MALT1: variants seen among roughly 807,000 people sequenced by gnomAD.
MALT1 encodes the protein MALT1 paracaspase.
Under a neutral mutation model 85.5 loss-of-function variants are expected in MALT1, and 36 were observed. The ratio of observed to expected loss-of-function variants is 0.42; its 90% CI spans 0.32 to 0.56. MALT1 has a LOEUF of 0.56. MALT1 is among the 20% of genes least tolerant of loss of function. The pLI, the probability that MALT1 is intolerant of heterozygous loss-of-function variation, is 0.10. For synonymous variants in MALT1, 359 were observed against 361.3 expected (o/e 0.99, Z 0.07); for missense variants, 716 against 981.6 (o/e 0.73, Z 3.62).
intron 14 of MALT1, 58 bp downstream of exon 14, chr18:58,742,072 G>C (rs2055309607): frequency 2.3e-6 from 3 of 1,328,936 alleles, no homozygotes; most frequent in Non-Finnish European, 3.0e-6. Flanking sequence ...AAATCATAAA[G>C]TTTCTTCTGA....
At chr18:58,740,882 T>C (rs1356233925) in intron 13 of MALT1, among the ~76,000 whole-genome samples, 1 of 152,190 alleles carries the variant, frequency 6.6e-6, no homozygotes, top group Non-Finnish European at 1.5e-5. Context: ...AATTTTCTTG[T>C]AGTTCTAGCA....
chr18:58,704,439 A>AT (rs560174595), intron 4 of MALT1, among the ~76,000 whole-genome samples: 87 of 152,220 alleles, frequency 5.7e-4, no homozygotes, highest in African/African-American at 2.0e-3. Flanking sequence ...TGTGATACTA[A>AT]TATAGCCATG....
chr18:58,708,685 T>C (rs1192948392), intron 4 of MALT1, among the ~76,000 whole-genome samples: 1 of 152,198 alleles, frequency 6.6e-6, no homozygotes, highest in East Asian at 1.9e-4. Flanking sequence ...AAGAGAGCAA[T>C]GCATATCTTT....
At chr18:58,691,872 C>CAAAAA (rs34428404) in intron 2 of MALT1, among the ~76,000 whole-genome samples, 1 of 134,770 alleles carries the variant, frequency 7.4e-6, no homozygotes, top group African/African-American at 2.8e-5. Flanking sequence ...GACTCCGTCT[C>CAAAAA]AAAAAAAAAA....
In MALT1 at chr18:58,688,536, C is replaced by CAAAAAA. The variant is rs552838701; in HGVS notation, c.376+7222_376+7227dup. Among the ~76,000 whole-genome samples the CAAAAAA allele has an allele frequency of 2.9e-4, 18 of 61,402 alleles. No homozygotes were observed. The East Asian group carries it at 4.1e-3, about 14-fold the overall frequency. 40.3% of individuals were successfully genotyped at this position (61,402 alleles called of 152,430 possible). ...GCAACATAATGAGGCCCTGTTTCTA[C>CAAAAAA]AAAAAAAAAAAAAAAAAAAAAAAAA... is the stretch of plus-strand genomic sequence containing the variant. On this transcript the variant is annotated intron_variant, in intron 2 of 16. Coordinates refer to ENST00000649217, the MANE Select transcript of MALT1 (RefSeq NM_006785.4).
chr18:58,687,038 A>G (rs990865486), intron 2 of MALT1, among the ~76,000 whole-genome samples: 1 of 152,216 alleles, frequency 6.6e-6, no homozygotes, highest in African/African-American at 2.4e-5. Flanking sequence ...TAAGAAACTT[A>G]GTTCTGTATT....
At chr18:58,742,841 T>A (rs1005967099) in intron 14 of MALT1, among the ~76,000 whole-genome samples, 4 of 152,236 alleles carry the variant, frequency 2.6e-5, no homozygotes, top group African/African-American at 7.2e-5. Flanking sequence ...CATCCTCTCT[T>A]GGACACTTGA....
At chr18:58,709,673 T>G in intron 5 of MALT1, 117 bp downstream of exon 5, 2 of 898,620 alleles carry the variant, frequency 2.2e-6, no homozygotes, top group South Asian at 4.7e-5. Context: ...ATGTTTTCAG[T>G]ATTTTTATTT....
intron 13 of MALT1, 182 bp from the exon 14 acceptor site, chr18:58,741,683 A>G (rs745834003): frequency 1.4e-5 from 6 of 422,930 alleles, no homozygotes; most frequent in Non-Finnish European, 2.5e-5. Flanking sequence ...ACTTACACAC[A>G]TGAGTAAAAA....
rs776833782 is a variant in MALT1, at chr18:58,742,019, G to A, written c.1753+5G>A. 20 of 1,482,070 alleles carry A rather than the reference G, an allele frequency of 1.3e-5. No homozygotes were observed. Among genetic ancestry groups the A allele is most frequent in the Admixed American group, 3.6e-5 (2 of 55,276 alleles). 91.8% of individuals were successfully genotyped at this position (1,482,070 alleles called of 1,614,324 possible). On this transcript the variant is annotated splice_donor_5th_base_variant and intron_variant, in intron 14 of 16. Coordinates refer to ENST00000649217, the MANE Select transcript of MALT1 (RefSeq NM_006785.4). ...TACAGTGGGCCAAGGCTCATGGTAC[G>A]GTAAAGCCCATTTTTTGTTAGATCT...
Position 58,680,712 on chromosome 18 carries a change from A to G in MALT1, c.210-458A>G, listed in dbSNP as rs536653394. The stretch of plus-strand genomic sequence containing the variant: ...GCCGAGGCAGGTGGATCATGAGGTC[A>G]GGAGATCGAGACCATCCTGGCTAAC... On this transcript the variant is annotated intron_variant, in intron 1 of 16. Coordinates refer to ENST00000649217, the MANE Select transcript of MALT1 (RefSeq NM_006785.4). Among the ~76,000 whole-genome samples the G allele has an allele frequency of 2.1e-3, 317 of 152,230 alleles. 1 individual carries two copies. The highest frequency in any genetic ancestry group is 3.9e-3 in the Non-Finnish European group (265 of 68,008).
chr18:58,694,077 T>C (rs1271674055), intron 2 of MALT1, among the ~76,000 whole-genome samples: 2 of 152,202 alleles, frequency 1.3e-5, no homozygotes, highest in East Asian at 1.9e-4. Flanking sequence ...CCTACCAACA[T>C]GTATCACAGA....
At chr18:58,691,496 T>C in intron 2 of MALT1, 1 of 209,438 alleles carries the variant, frequency 4.8e-6, no homozygotes, top group Non-Finnish European at 9.7e-6. Flanking sequence ...ACCTGGCCTC[T>C]TAACAAGTGT....
At chr18:58,692,794 A>C (rs2054531676) in intron 2 of MALT1, among the ~76,000 whole-genome samples, 1 of 152,250 alleles carries the variant, frequency 6.6e-6, no homozygotes, top group Non-Finnish European at 1.5e-5. Flanking sequence ...TTGCGAATGC[A>C]GAAGAAAAGT....
chr18:58,696,409 T>C lies in MALT1; in HGVS notation c.420T>C (p.Ala140=). 1 of 1,588,610 alleles carries C rather than the reference T, an allele frequency of 6.3e-7. No homozygotes were observed. The change falls in exon 3 of 17, where the codon GCT becomes GCC. Residue 140 remains alanine, a synonymous_variant. Transcript: ENST00000649217. ...ACCCAGAGTCAAAGGCAGTCTTGGCTGGACAGTTTGTGAAACTGTGTTGCC... is the reference window on the plus strand; with the variant it reads ...ACCCAGAGTCAAAGGCAGTCTTGGCCGGACAGTTTGTGAAACTGTGTTGCC... The part of the protein sequence containing the change: ...TVNPESKAVL[A]GQFVKLCCRA...
At chr18:58,688,293 A>T (rs1258071511) in intron 2 of MALT1, among the ~76,000 whole-genome samples, 2 of 101,248 alleles carry the variant, frequency 2.0e-5, no homozygotes, top group Non-Finnish European at 3.8e-5. Flanking sequence ...AATTGTATAT[A>T]TATGTTACAC....
chr18:58,735,419 ATTC>A (rs2055210231), intron 13 of MALT1, 90 bp downstream of exon 13: 2 of 1,385,520 alleles, frequency 1.4e-6, no homozygotes, highest in African/African-American at 1.5e-5. Context: ...TGATTGTTTT[ATTC>A]TTATTATGTG....
At position 58,752,404 on chromosome 18, in the gene MALT1, A is replaced by T. The variant is rs558543957; in HGVS notation, c.*4562A>T. ...TGTCATTACTTTTATCTGTCAACTG[A>T]TGTCAGCTACTCAATTTACACATTA... is the stretch of plus-strand genomic sequence containing the variant. On this transcript the variant is annotated 3_prime_UTR_variant, in exon 17 of 17. Transcript: ENST00000649217. 5 of 152,260 alleles carry T rather than the reference A, an allele frequency of 3.3e-5. No homozygotes were observed. Among genetic ancestry groups the T allele is most frequent in the African/African-American group, 1.2e-4 (5 of 41,544 alleles). 9.4% of individuals were successfully genotyped at this position (152,260 alleles called of 1,614,324 possible). A position where few individuals can be genotyped will look rare whatever the true frequency, so the allele number is the denominator to read the frequency against.
At chr18:58,730,888 A>T (rs1317285157) in intron 10 of MALT1, among the ~76,000 whole-genome samples, 2 of 152,060 alleles carry the variant, frequency 1.3e-5, no homozygotes, top group Non-Finnish European at 2.9e-5. Flanking sequence ...TCATGTGCAT[A>T]TTTGCCACTC....
Sources: gnomAD v4.1 joint callset for allele counts (sites outside exome capture counted in the v4.1 genomes callset) on GRCh38, gnomAD v4.1.1 for gene constraint, MANE v1.5 for transcripts, NCBI Gene and HGNC (gene_info 2026-07-23, HGNC 2026-07-21) for gene names.